Variants in TAOK3 observed in about 807,000 individuals in gnomAD.
The protein encoded by TAOK3 is TAO kinase 3.
Under a neutral mutation model 120.4 loss-of-function variants are expected in TAOK3, and 40 were observed. That is an observed-to-expected ratio of 0.33 (90% CI 0.26 to 0.43). The LOEUF (loss-of-function observed/expected upper bound fraction) is 0.43, where lower values mean the gene tolerates loss of function less well. TAOK3 is among the 20% of genes least tolerant of loss of function. The pLI, the probability that TAOK3 is intolerant of heterozygous loss-of-function variation, is 1.00. For missense variants in TAOK3, 821 were observed against 1,112.1 expected (o/e 0.74, Z 3.72); for synonymous variants, 355 against 387.5 (o/e 0.92, Z 0.99).
rs373043067 is a variant in TAOK3 at position 118,237,879 on chromosome 12, G to A, written c.437+194C>T. Among the ~76,000 whole-genome samples, 4 of 152,100 alleles carry A rather than the reference G, an allele frequency of 2.6e-5. No homozygotes were observed. In the East Asian group the frequency reaches 7.7e-4, roughly 29 times the overall value. On this transcript the variant is annotated intron_variant, in intron 7 of 20. Transcript: ENST00000392533. ...CCTACTGAACAAAGATGATATAATT[G>A]TGGATACGTAGGAGAGAATAAGAGA...
At position 118,231,140 on chromosome 12, in the gene TAOK3, G is replaced by A. The variant is rs1044404693; in HGVS notation, c.643+2534C>T. Among the ~76,000 whole-genome samples, 6 of 152,296 alleles carry A rather than the reference G, an allele frequency of 3.9e-5. No homozygotes were observed. In the South Asian group the frequency reaches 1.2e-3, roughly 32 times the overall value. The stretch of plus-strand genomic sequence containing the variant: ...TTGGGTGTGAAAACGAATATAGGAA[G>A]TGTATATTCATGTTTGTTTGTATAT... On this transcript the variant is annotated intron_variant, in intron 9 of 20. Coordinates refer to ENST00000392533, the MANE Select transcript of TAOK3 (RefSeq NM_016281.4).
At chr12:118,299,262 GT>G (rs1474940309) in intron 1 of TAOK3, among the ~76,000 whole-genome samples, 2 of 152,078 alleles carry the variant, frequency 1.3e-5, no homozygotes, top group Non-Finnish European at 2.9e-5. Flanking sequence ...TGTTTCAACA[GT>G]TTTTTCTTCC....
chr12:118,230,005 A>C (rs2039692326), intron 9 of TAOK3, among the ~76,000 whole-genome samples: 1 of 152,210 alleles, frequency 6.6e-6, no homozygotes, highest in Non-Finnish European at 1.5e-5. Context: ...AATAGATATT[A>C]ATTAATCTTC....
At chr12:118,367,705 TAC>T (rs1365740889) in intron 1 of TAOK3, among the ~76,000 whole-genome samples, 1 of 152,026 alleles carries the variant, frequency 6.6e-6, no homozygotes, top group Non-Finnish European at 1.5e-5. Flanking sequence ...TCAAAAACTA[TAC>T]ATTACTGAAA....
At chr12:118,225,050 C>A (rs1440482896) in intron 9 of TAOK3, among the ~76,000 whole-genome samples, 2 of 151,714 alleles carry the variant, frequency 1.3e-5, no homozygotes, top group Non-Finnish European at 1.5e-5. Flanking sequence ...AAGGTTGAGA[C>A]CAGCCTGGGT....
rs556163515 is a variant in TAOK3 at position 118,321,237 on chromosome 12, T to TAC, written c.-194+51409_-194+51410dup. On this transcript the variant is annotated intron_variant, in intron 1 of 20. Coordinates refer to ENST00000392533, the MANE Select transcript of TAOK3 (RefSeq NM_016281.4). The stretch of plus-strand genomic sequence containing the variant: ...GTTGTTTAACATGTATACATGCAAA[T>TAC]ACACACACACACACACAAACATACA... 3.5e-3 allele frequency among the ~76,000 whole-genome samples: 529 copies of TAC among 150,676 alleles called. 2 individuals carry two copies. Among genetic ancestry groups the TAC allele is most frequent in the African/African-American group, 0.011 (473 of 41,246 alleles).
intron 9 of TAOK3, among the ~76,000 whole-genome samples, chr12:118,219,280 T>C (rs1218321511): frequency 6.6e-6 from 1 of 151,966 alleles, no homozygotes; most frequent in Admixed American, 6.6e-5. Context: ...TGTGTCGGGG[T>C]CTTGCTCTGT....
chr12:118,243,209 G>A (rs1167356799), intron 5 of TAOK3, among the ~76,000 whole-genome samples: 1 of 151,938 alleles, frequency 6.6e-6, no homozygotes, highest in Admixed American at 6.6e-5. Flanking sequence ...TTATAGAATG[G>A]AATTTCTAAT....
chr12:118,280,122 C>T (rs1433719361), intron 1 of TAOK3, among the ~76,000 whole-genome samples: 30 of 141,246 alleles, frequency 2.1e-4, no homozygotes, highest in African/African-American at 1.6e-4. Context: ...GGTGCAGTGG[C>T]GCCATCTTAG....
rs1304687599 is a variant in TAOK3 at position 118,160,505 on chromosome 12, T to C, written c.2140-147A>G. On this transcript the variant is annotated intron_variant, in intron 18 of 20. Coordinates refer to ENST00000392533, the MANE Select transcript of TAOK3 (RefSeq NM_016281.4). The surrounding 1 kb of genome is among the most constrained non-coding windows in gnomAD (Gnocchi z 4.2). ...GCTAATCAATAAAAATCAAGCAGTATGTATGACACAGACAAAAGTTAACTC... is the reference window on the plus strand; with the variant it reads ...GCTAATCAATAAAAATCAAGCAGTACGTATGACACAGACAAAAGTTAACTC... 21 of 665,318 alleles carry C rather than the reference T, an allele frequency of 3.2e-5. No individual in the cohort carries two copies. The highest frequency in any genetic ancestry group is 4.3e-5 in the Non-Finnish European group (17 of 391,030). 41.2% of individuals were successfully genotyped at this position (665,318 alleles called of 1,614,324 possible).
chr12:118,159,685 C>T (rs764478687), intron 19 of TAOK3: 9 of 173,792 alleles, frequency 5.2e-5, no homozygotes, highest in Admixed American at 2.9e-4. Flanking sequence ...CATCCTCCAC[C>T]TCTGAGTCCA....
At chr12:118,246,210 G>A in intron 3 of TAOK3, 1 of 1,449,420 alleles carries the variant, frequency 6.9e-7, no homozygotes, top group Non-Finnish European at 9.4e-7. Flanking sequence ...CCGTGGACGG[G>A]GCCGGGGCCG....
At chr12:118,309,731 G>T (rs997331272) in intron 1 of TAOK3, among the ~76,000 whole-genome samples, 3 of 151,846 alleles carry the variant, frequency 2.0e-5, no homozygotes, top group Non-Finnish European at 2.9e-5. Flanking sequence ...GGCCAGGCTG[G>T]TCTCAAACTC....
intron 1 of TAOK3, among the ~76,000 whole-genome samples, chr12:118,303,845 G>C (rs955018516): frequency 1.3e-5 from 2 of 152,122 alleles, no homozygotes; most frequent in African/African-American, 4.8e-5. Context: ...ATGGGGTTTC[G>C]CCATGTTGGC....
At chr12:118,328,209 C>T (rs1185162537) in intron 1 of TAOK3, among the ~76,000 whole-genome samples, 6 of 151,980 alleles carry the variant, frequency 3.9e-5, no homozygotes, top group Non-Finnish European at 7.4e-5. Flanking sequence ...TACAGCCACC[C>T]GCCACCACGC....
At chr12:118,184,814 A>T (rs2036975478) in intron 14 of TAOK3, among the ~76,000 whole-genome samples, 1 of 152,210 alleles carries the variant, frequency 6.6e-6, no homozygotes. Flanking sequence ...AACCTCATCT[A>T]TCTCTTACTA....
At chr12:118,257,219 A>T (rs2041026538) in intron 2 of TAOK3, among the ~76,000 whole-genome samples, 2 of 152,218 alleles carry the variant, frequency 1.3e-5, no homozygotes, top group Admixed American at 6.5e-5. Context: ...GTATATTCAT[A>T]TAGAAATACA....
chr12:118,295,492 CTCTT>C (rs760178713), intron 1 of TAOK3: 5 of 152,166 alleles, frequency 3.3e-5, no homozygotes. Context: ...TCTCTTTCCT[CTCTT>C]TATTTATAAC....
rs1048301500 is a variant in TAOK3, at chr12:118,244,527, CTTTTTCTT to C, written c.192+359_192+366del. Among the ~76,000 whole-genome samples the C allele has an allele frequency of 8.0e-4, 104 of 129,558 alleles. 6 individuals are homozygous for C. Among genetic ancestry groups the C allele is most frequent in the Admixed American group, 5.0e-3 (62 of 12,342 alleles). The allele number at this position is 129,558 out of a possible 152,430, so 85.0% of individuals were successfully genotyped here. A position where few individuals can be genotyped will look rare whatever the true frequency, so the allele number is the denominator to read the frequency against. On this transcript the variant is annotated intron_variant, in intron 4 of 20. Coordinates refer to ENST00000392533, the MANE Select transcript of TAOK3 (RefSeq NM_016281.4). ...AAAGAATTTTGTTAATTTCTTTTTTCTTTTTCTTTTTTTTTTTTTGAGACAGAGCCTCG... is the reference window on the plus strand; with the variant it reads ...AAAGAATTTTGTTAATTTCTTTTTTCTTTTTTTTTTTGAGACAGAGCCTCG...
Sources: gnomAD v4.1 joint callset for allele counts (sites outside exome capture counted in the v4.1 genomes callset) on GRCh38, gnomAD v4.1.1 for gene constraint, Gnocchi (gnomAD v3.1) non-coding constraint, MANE v1.5 for transcripts, NCBI Gene and HGNC (gene_info 2026-07-23, HGNC 2026-07-21) for gene names.